CCDC7: variants seen among roughly 807,000 people sequenced by gnomAD.
The protein encoded by CCDC7 is coiled-coil domain-containing protein 7.
A neutral mutation model predicts 196.9 loss-of-function variants in CCDC7; 183 were observed. The ratio of observed to expected loss-of-function variants is 0.93; its 90% CI spans 0.82 to 1.05. The LOEUF (loss-of-function observed/expected upper bound fraction) is 1.05. CCDC7 is among the 50% of genes least tolerant of loss of function. CCDC7 has a pLI of 0.00. For missense variants in CCDC7, 1,540 were observed against 1,482.2 expected (o/e 1.04, Z -0.64); for synonymous variants, 525 against 484.6 (o/e 1.08, Z -1.10).
At chr10:32,580,436 A>G (rs558028250) in intron 16 of CCDC7, among the ~76,000 whole-genome samples, 2 of 152,244 alleles carry the variant, frequency 1.3e-5, no homozygotes, top group South Asian at 4.1e-4. Context: ...GCCTAAAACT[A>G]GTCACTATGA....
intron 21 of CCDC7, among the ~76,000 whole-genome samples, chr10:32,677,371 T>A (rs1763795): frequency 0.83 from 118,203 of 142,842 alleles, 46,908 homozygotes; most frequent in Admixed American, 0.86. Context: ...ATAATAATAA[T>A]AAAAAAAAAG....
intron 41 of CCDC7, among the ~76,000 whole-genome samples, chr10:32,863,670 A>G (rs995972180): frequency 1.3e-5 from 2 of 151,978 alleles, no homozygotes; most frequent in African/African-American, 4.8e-5. Flanking sequence ...CTCTTCAATA[A>G]ATGGTGCTGG....
At chr10:32,515,405 A>G (rs184809465) in intron 9 of CCDC7, among the ~76,000 whole-genome samples, 4 of 152,358 alleles carry the variant, frequency 2.6e-5, no homozygotes, top group Admixed American at 2.6e-4. Flanking sequence ...TTGAAAGTCC[A>G]CAAATAAACC....
Position 32,455,456 on chromosome 10 carries a change from C to T in CCDC7, c.373-795C>T, listed in dbSNP as rs115725371. 8.6e-3 allele frequency among the ~76,000 whole-genome samples: 1,313 copies of T among 151,906 alleles called. 28 individuals carry two copies. Among genetic ancestry groups the T allele is most frequent in the African/African-American group, 0.029 (1,208 of 41,438 alleles). ...CAGCCACCCACGTAGCTGGGATTAC[C>T]GGTGTGCGGCGCCTCGCCCAGCTAA... On this transcript the variant is annotated intron_variant, in intron 2 of 41. Coordinates refer to ENST00000639629, the Ensembl canonical transcript of CCDC7.
exon 29 of CCDC7, chr10:32,779,012 G>T: frequency 6.5e-7 from 1 of 1,550,154 alleles, no homozygotes; most frequent in African/African-American, 1.4e-5. Flanking sequence ...TCCAGATACA[G>T]CAGAAAATCT....
At chr10:32,553,524 G>T (rs562466220) in intron 13 of CCDC7, among the ~76,000 whole-genome samples, 1 of 152,088 alleles carries the variant, frequency 6.6e-6, no homozygotes, top group African/African-American at 2.4e-5. Flanking sequence ...TGGTTTTCTG[G>T]TTCCTTCTCA....
At chr10:32,754,708 C>T (rs1020282310) in intron 28 of CCDC7, among the ~76,000 whole-genome samples, 16 of 152,096 alleles carry the variant, frequency 1.1e-4, no homozygotes, top group Non-Finnish European at 1.5e-4. Flanking sequence ...GCATGAGCAA[C>T]GCAGAAGATG....
chr10:32,638,740 C>G (rs571908390), intron 20 of CCDC7, among the ~76,000 whole-genome samples: 1 of 152,288 alleles, frequency 6.6e-6, no homozygotes, highest in Non-Finnish European at 1.5e-5. Flanking sequence ...TGATGCTGGC[C>G]TCATAAAATG....
chr10:32,447,548 A>C (rs1157681806), upstream of CCDC7, among the ~76,000 whole-genome samples: 1 of 152,098 alleles, frequency 6.6e-6, no homozygotes, highest in African/African-American at 2.4e-5. Context: ...TTTCTGCATC[A>C]TTTTGCTTGT....
intron 24 of CCDC7, among the ~76,000 whole-genome samples, chr10:32,696,607 C>T (rs2077763357): frequency 6.6e-6 from 1 of 151,984 alleles, no homozygotes; most frequent in East Asian, 1.9e-4. Context: ...CTGGGCAGAA[C>T]CTAGGAGGCT....
chr10:32,461,415 A>T (rs2035590635), intron 3 of CCDC7, among the ~76,000 whole-genome samples: 1 of 152,134 alleles, frequency 6.6e-6, no homozygotes, highest in Admixed American at 6.6e-5. Flanking sequence ...GAAAAACAGA[A>T]TGGTTGTAGG....
At chr10:32,616,763 A>G (rs1338116462) in intron 18 of CCDC7, among the ~76,000 whole-genome samples, 1 of 151,844 alleles carries the variant, frequency 6.6e-6, no homozygotes, top group Non-Finnish European at 1.5e-5. Flanking sequence ...GAATGCTTTC[A>G]ACTTTTCCTC....
intron 3 of CCDC7, among the ~76,000 whole-genome samples, chr10:32,462,465 AT>A (rs1055243812): frequency 6.6e-6 from 1 of 152,094 alleles, no homozygotes; most frequent in Non-Finnish European, 1.5e-5. Flanking sequence ...AAGAAAAATT[AT>A]TTTTAAATTC....
chr10:32,444,333 T>C (rs1252431662), upstream of CCDC7, among the ~76,000 whole-genome samples: 1 of 152,246 alleles, frequency 6.6e-6, no homozygotes, highest in Non-Finnish European at 1.5e-5. Context: ...CAAAATTTGA[T>C]ATTACATGCT....
chr10:32,498,815 A>AT (rs144257479), intron 9 of CCDC7, among the ~76,000 whole-genome samples: 50,982 of 140,842 alleles, frequency 0.36, 10,829 homozygotes, highest in Non-Finnish European at 0.5. Flanking sequence ...TGCCCTTAAC[A>AT]TTTTTTTTTT....
At chr10:32,530,697 TCTGTG>T (rs1286562727) in intron 11 of CCDC7, among the ~76,000 whole-genome samples, 2 of 152,238 alleles carry the variant, frequency 1.3e-5, no homozygotes, top group African/African-American at 4.8e-5. Context: ...GGTTATATTA[TCTGTG>T]AACAAGGCTA....
Position 32,845,861 on chromosome 10 carries a change from G to A in CCDC7, c.3521-15G>A, listed in dbSNP as rs1278665748. The stretch of plus-strand genomic sequence containing the variant: ...TACCTTATAAAATATATTGAAATCT[G>A]TTTTATTTCAATAGAGACTGATAAG... On this transcript the variant is annotated splice_polypyrimidine_tract_variant and intron_variant, in intron 35 of 41. Coordinates refer to ENST00000639629, the Ensembl canonical transcript of CCDC7. 5 of 1,566,238 alleles carry A rather than the reference G, an allele frequency of 3.2e-6. No individual in the cohort carries two copies. The East Asian group carries it at 6.7e-5, about 21-fold the overall frequency.
chr10:32,505,033 G>A (rs2044668975), intron 9 of CCDC7, among the ~76,000 whole-genome samples: 1 of 152,034 alleles, frequency 6.6e-6, no homozygotes, highest in Admixed American at 6.6e-5. Flanking sequence ...TTATATTGCT[G>A]TCTGTCTCTC....
intron 15 of CCDC7, 59 bp from the exon 17 acceptor site, chr10:32,571,800 C>A: frequency 7.1e-7 from 1 of 1,405,034 alleles, no homozygotes; most frequent in Non-Finnish European, 9.4e-7. Context: ...TTCTAAATGA[C>A]TGTAAACATT....
Sources: gnomAD v4.1 joint callset for allele counts (sites outside exome capture counted in the v4.1 genomes callset) on GRCh38, gnomAD v4.1.1 for gene constraint, MANE v1.5 for transcripts, NCBI Gene and HGNC (gene_info 2026-07-23, HGNC 2026-07-21) for gene names.